The following PLCL1 variants were observed in gnomAD, a reference collection of about 807,000 sequenced individuals.
PLCL1 encodes the protein phospholipase C like 1 (inactive), also known as inactive phospholipase C-like protein 1.
A neutral mutation model predicts 84.4 loss-of-function variants in PLCL1; 41 were observed. That is an observed-to-expected ratio of 0.49 (90% confidence interval 0.38 to 0.63). The LOEUF is 0.63. Among genes scored for constraint, PLCL1 ranks in the 30% least tolerant of loss-of-function variants. The probability of loss-of-function intolerance (pLI) is 0.00; values close to 1 mark genes in which losing one functional copy is unlikely to be tolerated. For synonymous variants in PLCL1, 490 were observed against 488.3 expected (o/e 1.00, Z -0.05); for missense variants, 1,206 against 1,367.8 (o/e 0.88, Z 1.87).
chr2:197,905,343 A>G (rs1688358067), intron 1 of PLCL1, among the ~76,000 whole-genome samples: 2 of 152,188 alleles, frequency 1.3e-5, no homozygotes, highest in Non-Finnish European at 2.9e-5. Context: ...GAGAACACGC[A>G]GTGTTCAGTT....
At chr2:198,015,207 T>A (rs780687307) in intron 1 of PLCL1, among the ~76,000 whole-genome samples, 1 of 152,146 alleles carries the variant, frequency 6.6e-6, no homozygotes, top group Non-Finnish European at 1.5e-5. Context: ...TATCTATCTA[T>A]CTATCTACAA....
chr2:197,950,397 C>G (rs1689366106), intron 1 of PLCL1, among the ~76,000 whole-genome samples: 1 of 152,118 alleles, frequency 6.6e-6, no homozygotes, highest in Admixed American at 6.6e-5. Flanking sequence ...GAAGGGAGAT[C>G]AGACATGACT....
intron 1 of PLCL1, among the ~76,000 whole-genome samples, chr2:198,061,209 T>C (rs1421006943): frequency 1.3e-5 from 2 of 152,220 alleles, no homozygotes; most frequent in African/African-American, 4.8e-5. Flanking sequence ...CCACTGATCA[T>C]GGTGGGAGTA....
At position 198,148,074 on chromosome 2, in the gene PLCL1, A is replaced by G. The variant is rs1465379032; in HGVS notation, c.*1112A>G. The G allele has an allele frequency of 3.9e-5, 6 of 152,322 alleles. No homozygotes were observed. The highest frequency in any genetic ancestry group is 7.4e-5 in the Non-Finnish European group (5 of 68,014). The allele number at this position is 152,322 out of a possible 1,614,324, so 9.4% of individuals were successfully genotyped here. On this transcript the variant is annotated 3_prime_UTR_variant, in exon 6 of 6. Coordinates refer to ENST00000428675, the MANE Select transcript of PLCL1 (RefSeq NM_006226.4). ...CAGAAAAGCATACATGCAAAAAGAA[A>G]TGACTAATTAGGGTACATTTATAAT...
intron 3 of PLCL1, among the ~76,000 whole-genome samples, chr2:198,094,400 A>G (rs919558740): frequency 4.6e-5 from 7 of 152,172 alleles, no homozygotes; most frequent in Admixed American, 1.3e-4. Flanking sequence ...TTATAATTCC[A>G]TTATAGCAAC....
chr2:198,083,070 T>G (rs894666538), intron 1 of PLCL1, among the ~76,000 whole-genome samples: 6 of 152,238 alleles, frequency 3.9e-5, no homozygotes, highest in African/African-American at 1.4e-4. Flanking sequence ...AAAAAGTTAG[T>G]AGAGCCATTC....
chr2:197,827,519 A>C (rs987417868), intron 1 of PLCL1, among the ~76,000 whole-genome samples: 6 of 152,164 alleles, frequency 3.9e-5, no homozygotes, highest in African/African-American at 1.4e-4. Context: ...AGATTGGAAG[A>C]GAGAGAAGCT....
At chr2:198,075,531 C>T (rs77410633) in intron 1 of PLCL1, among the ~76,000 whole-genome samples, 3,036 of 152,156 alleles carry the variant, frequency 0.02, 31 homozygotes, top group Middle Eastern at 0.048. Context: ...TAACTGCGTA[C>T]GAAGCAGTGG....
At chr2:197,955,956 G>A (rs1408003436) in intron 1 of PLCL1, among the ~76,000 whole-genome samples, 1 of 151,134 alleles carries the variant, frequency 6.6e-6, no homozygotes, top group African/African-American at 2.4e-5. Flanking sequence ...TTGTCATAAT[G>A]CTCTCCCTCC....
intron 1 of PLCL1, among the ~76,000 whole-genome samples, chr2:197,867,869 A>G (rs1687578675): frequency 6.6e-6 from 1 of 152,130 alleles, no homozygotes; most frequent in African/African-American, 2.4e-5. Flanking sequence ...ATACTCATAA[A>G]AAAAATTGAG....
At chr2:198,015,786 T>C (rs1031076101) in intron 1 of PLCL1, among the ~76,000 whole-genome samples, 1 of 152,130 alleles carries the variant, frequency 6.6e-6, no homozygotes, top group Admixed American at 6.5e-5. Flanking sequence ...TCAGAGCATA[T>C]GTGTGATAAA....
Position 198,001,948 on chromosome 2 carries a change from C to G in PLCL1, c.241-81810C>G, listed in dbSNP as rs770211430. The G allele has an allele frequency of 5.1e-5, 22 of 431,126 alleles. No individual in the cohort carries two copies. In the East Asian group the frequency reaches 5.7e-4, roughly 11 times the overall value. The allele number at this position is 431,126 out of a possible 1,614,324, so 26.7% of individuals were successfully genotyped here. On this transcript the variant is annotated intron_variant, in intron 1 of 5. Transcript: ENST00000428675. Reference sequence around the variant, plus strand: ...GATCTGTCACTGTCTCCTATCACCCCCAGATGGGACTGTGTAGTTGCAGGA... The same window carrying G: ...GATCTGTCACTGTCTCCTATCACCCGCAGATGGGACTGTGTAGTTGCAGGA...
chr2:198,063,148 T>C (rs1692242963), intron 1 of PLCL1, among the ~76,000 whole-genome samples: 1 of 152,104 alleles, frequency 6.6e-6, no homozygotes, highest in Admixed American at 6.5e-5. Flanking sequence ...TACTAAGTAC[T>C]TAATACTATA....
intron 1 of PLCL1, among the ~76,000 whole-genome samples, chr2:197,869,656 T>G (rs1687613493): frequency 6.6e-6 from 1 of 152,152 alleles, no homozygotes; most frequent in Admixed American, 6.6e-5. Context: ...TATGTAAAAG[T>G]AATTTCTTTG....
At chr2:198,082,369 G>A (rs1327820738) in intron 1 of PLCL1, among the ~76,000 whole-genome samples, 7 of 151,990 alleles carry the variant, frequency 4.6e-5, no homozygotes, top group South Asian at 4.2e-4. Context: ...GCTTGAACTC[G>A]GGAGGCGGAG....
At chr2:197,873,322 G>A (rs1687681463) in intron 1 of PLCL1, among the ~76,000 whole-genome samples, 1 of 152,048 alleles carries the variant, frequency 6.6e-6, no homozygotes, top group Non-Finnish European at 1.5e-5. Context: ...TCTGGTGGTT[G>A]CATAGGTTAC....
intron 1 of PLCL1, among the ~76,000 whole-genome samples, chr2:197,914,566 T>C (rs1485605238): frequency 6.6e-6 from 1 of 152,148 alleles, no homozygotes; most frequent in African/African-American, 2.4e-5. Flanking sequence ...TCTGACCTTG[T>C]GATTTGCCCG....
intron 1 of PLCL1, among the ~76,000 whole-genome samples, chr2:198,077,381 T>C (rs1381345090): frequency 1.3e-5 from 2 of 152,292 alleles, no homozygotes; most frequent in East Asian, 1.9e-4. Flanking sequence ...TAAGACATTC[T>C]CTTGCCCAAG....
chr2:197,948,142 G>A (rs115061405), intron 1 of PLCL1, among the ~76,000 whole-genome samples: 266 of 152,236 alleles, frequency 1.7e-3, no homozygotes, highest in Non-Finnish European at 2.9e-3. Context: ...TGGGATTTTG[G>A]GGGTAGAACA....
Sources: allele counts gnomAD v4.1 joint callset (sites outside exome capture counted in the v4.1 genomes callset), GRCh38; gene constraint gnomAD v4.1.1; transcripts MANE v1.5; gene names NCBI Gene and HGNC (gene_info 2026-07-23, HGNC 2026-07-21).